DRC2: variants seen among roughly 807,000 people sequenced by gnomAD.
The protein encoded by DRC2 is dynein regulatory complex subunit 2.
the DRC2 span, chr12:48,904,917 C>T: frequency 6.5e-7 from 1 of 1,549,834 alleles, no homozygotes. Flanking sequence ...GCCCTGACTT[C>T]CTGGAGGTAT....
chr12:48,914,275 G>T, the DRC2 span: 2 of 910,074 alleles, frequency 2.2e-6, no homozygotes, highest in East Asian at 2.6e-5. Flanking sequence ...GAGTGAGGGG[G>T]ACAGCCAGCA....
At chr12:48,918,407 C>T in the DRC2 span, 4 of 1,614,070 alleles carry the variant, frequency 2.5e-6, no homozygotes, top group Non-Finnish European at 3.4e-6. Flanking sequence ...TGAGACCCTG[C>T]AGGTGAAGGA....
the DRC2 span, among the ~76,000 whole-genome samples, chr12:48,914,744 G>C: frequency 3.3e-5 from 5 of 152,216 alleles, no homozygotes; most frequent in African/African-American, 1.2e-4. Flanking sequence ...TCGGGCTTAA[G>C]TTTGCAGCTC....
At chr12:48,914,384 ACT>A in the DRC2 span, 16 of 1,568,558 alleles carry the variant, frequency 1.0e-5, no homozygotes, top group Admixed American at 1.9e-5. Flanking sequence ...TGGAATGGTA[ACT>A]CTCTCTTTCT....
the DRC2 span, among the ~76,000 whole-genome samples, chr12:48,907,847 C>G: frequency 5.5e-4 from 84 of 152,342 alleles, no homozygotes; most frequent in Middle Eastern, 0.014. Context: ...ATCTTCCTCT[C>G]TCCATCCTCT....
the DRC2 span, chr12:48,914,680 A>C: frequency 9.7e-7 from 1 of 1,028,814 alleles, no homozygotes; most frequent in Non-Finnish European, 1.4e-6. Flanking sequence ...AGCATCCCAC[A>C]TTGATTATCA....
At chr12:48,914,272 G>A in the DRC2 span, 4 of 886,276 alleles carry the variant, frequency 4.5e-6, no homozygotes, top group Non-Finnish European at 6.7e-6. Context: ...CAAGAGTGAG[G>A]GGGACAGCCA....
chr12:48,919,837 T>C, the DRC2 span, among the ~76,000 whole-genome samples: 1 of 151,750 alleles, frequency 6.6e-6, no homozygotes, highest in Non-Finnish European at 1.5e-5. Flanking sequence ...TTGAAATGAA[T>C]TGGCCAGGCA....
the DRC2 span, among the ~76,000 whole-genome samples, chr12:48,920,441 T>TTTA: frequency 6.0e-4 from 41 of 67,810 alleles, 7 homozygotes; most frequent in East Asian, 3.3e-3. Context: ...AACTCCATCT[T>TTTA]AAAAAAAAAA....
At chr12:48,918,377 G>A in the DRC2 span, 1 of 1,614,198 alleles carries the variant, frequency 6.2e-7, no homozygotes, top group Non-Finnish European at 8.5e-7. Context: ...TGATGCCACA[G>A]AGGATCGAAA....
the DRC2 span, among the ~76,000 whole-genome samples, chr12:48,916,734 G>A: frequency 1.3e-5 from 2 of 152,132 alleles, no homozygotes; most frequent in Non-Finnish European, 2.9e-5. Flanking sequence ...ACTTCTCACT[G>A]TAACCTTTTG....
At chr12:48,916,272 G>A in the DRC2 span, among the ~76,000 whole-genome samples, 18 of 145,180 alleles carry the variant, frequency 1.2e-4, no homozygotes, top group African/African-American at 2.1e-4. Flanking sequence ...AGGTTGTAGC[G>A]AGCCGAGATC....
the DRC2 span, chr12:48,921,343 A>G: frequency 6.2e-7 from 1 of 1,614,216 alleles, no homozygotes; most frequent in South Asian, 1.1e-5. Flanking sequence ...GTGCTGAGCC[A>G]GCTCAACCCA....
At chr12:48,904,557 C>T in the DRC2 span, 788,698 of 1,485,528 alleles carry the variant, frequency 0.53, 212,078 homozygotes, top group South Asian at 0.73. Flanking sequence ...TCATCCTGAC[C>T]TCCCCTCCTC....
chr12:48,905,896 C>T, the DRC2 span, among the ~76,000 whole-genome samples: 52 of 152,046 alleles, frequency 3.4e-4, no homozygotes, highest in African/African-American at 1.2e-3. Context: ...CTCAGCCTCC[C>T]GAGTAGCTGT....
chr12:48,919,579 A>G, the DRC2 span, among the ~76,000 whole-genome samples: 1 of 151,556 alleles, frequency 6.6e-6, no homozygotes, highest in Non-Finnish European at 1.5e-5. Flanking sequence ...GTGCAGTGGC[A>G]TGATCTTGGC....
chr12:48,904,444 GA>G, the DRC2 span: 1 of 1,614,026 alleles, frequency 6.2e-7, no homozygotes, highest in Non-Finnish European at 8.5e-7. Context: ...AAAAGAAGGA[GA>G]GGCTCCTCAG....
At chr12:48,918,131 C>T in the DRC2 span, 44 of 697,654 alleles carry the variant, frequency 6.3e-5, no homozygotes, top group Non-Finnish European at 8.9e-5. Flanking sequence ...ATATCATCTG[C>T]CTGGTCTTGT....
the DRC2 span, among the ~76,000 whole-genome samples, chr12:48,915,804 G>A: frequency 1.7e-3 from 261 of 151,588 alleles, 2 homozygotes; most frequent in Non-Finnish European, 2.7e-3. Context: ...CCTCCCGGAC[G>A]GGGTGGCTGC....
Sources: gnomAD v4.1 joint callset for allele counts (sites outside exome capture counted in the v4.1 genomes callset) on GRCh38, gnomAD v4.1.1 for gene constraint, MANE v1.5 for transcripts, NCBI Gene and HGNC (gene_info 2026-07-23, HGNC 2026-07-21) for gene names.